IQCK: variants seen among roughly 807,000 people sequenced by gnomAD.
IQCK encodes the protein IQ domain-containing protein K.
A neutral mutation model predicts 28.1 loss-of-function variants in IQCK; 29 were observed. That is an observed-to-expected ratio of 1.03 (90% confidence interval 0.77 to 1.41). The LOEUF (loss-of-function observed/expected upper bound fraction) is 1.41, where lower values mean the gene tolerates loss of function less well. IQCK is among the 40% of genes most tolerant of loss of function. IQCK has a pLI of 0.00. For missense variants in IQCK, 359 were observed against 314.7 expected (o/e 1.14, Z -1.07); for synonymous variants, 113 against 115.1 (o/e 0.98, Z 0.12).
exon 10 of IQCK, chr16:19,857,274 T>C (rs1032907984): frequency 3.0e-6 from 1 of 329,270 alleles, no homozygotes; most frequent in Non-Finnish European, 5.7e-6. Context: ...CTGGGTTGTT[T>C]TGACAAGCTA....
chr16:19,841,930 C>T (rs1220988999), intron 9 of IQCK, among the ~76,000 whole-genome samples: 1 of 151,934 alleles, frequency 6.6e-6, no homozygotes, highest in Non-Finnish European at 1.5e-5. Context: ...ACTGCAACCT[C>T]CACCTCCTGG....
chr16:19,809,388 C>A (rs1176533772), intron 7 of IQCK, among the ~76,000 whole-genome samples: 1 of 152,198 alleles, frequency 6.6e-6, no homozygotes, highest in Non-Finnish European at 1.5e-5. Flanking sequence ...CCTGGCTGGG[C>A]TGGAATGTCC....
chr16:19,721,024 A>C (rs539458120), intron 1 of IQCK, among the ~76,000 whole-genome samples: 1 of 152,270 alleles, frequency 6.6e-6, no homozygotes, highest in Admixed American at 6.5e-5. Flanking sequence ...AAAAAAAAAA[A>C]AACAATTCAG....
chr16:19,845,156 G>T (rs1488163346), intron 9 of IQCK, among the ~76,000 whole-genome samples: 1 of 152,122 alleles, frequency 6.6e-6, no homozygotes, highest in Non-Finnish European at 1.5e-5. Context: ...ATCTGCCCTG[G>T]GTTCTGAGTC....
At chr16:19,820,210 G>GA (rs71375663) in intron 7 of IQCK, among the ~76,000 whole-genome samples, 31,413 of 150,778 alleles carry the variant, frequency 0.21, 3,360 homozygotes, top group South Asian at 0.32. Flanking sequence ...AATAACAAAA[G>GA]AAAAAAAAAT....
chr16:19,763,757 T>C (rs1010921300), intron 4 of IQCK, 91 bp from the exon 5 acceptor site: 1 of 995,714 alleles, frequency 1.0e-6, no homozygotes, highest in Non-Finnish European at 1.6e-6. Context: ...TTAAGCTTTA[T>C]TGAAAAAAGT....
chr16:19,756,814 G>A (rs1326142825), intron 4 of IQCK, among the ~76,000 whole-genome samples: 7 of 150,756 alleles, frequency 4.6e-5, no homozygotes, highest in Admixed American at 1.3e-4. Context: ...GGAGAATGGC[G>A]TGAACCCGGG....
chr16:19,745,296 C>T (rs113568937), intron 4 of IQCK, among the ~76,000 whole-genome samples: 1 of 152,236 alleles, frequency 6.6e-6, no homozygotes, highest in East Asian at 1.9e-4. Flanking sequence ...GGCACTCTGG[C>T]ATTTAAATGC....
intron 9 of IQCK, among the ~76,000 whole-genome samples, chr16:19,836,723 A>T (rs928400936): frequency 1.3e-5 from 2 of 152,182 alleles, no homozygotes; most frequent in African/African-American, 4.8e-5. Context: ...CATGTTGGCC[A>T]GGATGCTCTT....
At chr16:19,729,537 C>T (rs1977762280) in intron 1 of IQCK, among the ~76,000 whole-genome samples, 1 of 152,052 alleles carries the variant, frequency 6.6e-6, no homozygotes, top group South Asian at 2.1e-4. Context: ...AAGTTGTGTC[C>T]TCTAAGAAAA....
intron 4 of IQCK, among the ~76,000 whole-genome samples, chr16:19,757,913 GT>G (rs1428781665): frequency 7.9e-5 from 12 of 152,064 alleles, no homozygotes; most frequent in African/African-American, 2.7e-4. Context: ...ATTCATCTCG[GT>G]TTTTTGGATG....
intron 4 of IQCK, chr16:19,761,066 C>G (rs890378521): frequency 5.4e-6 from 1 of 185,384 alleles, no homozygotes; most frequent in African/African-American, 2.3e-5. Context: ...GCAACTGTTT[C>G]ATCAGCAAGG....
At chr16:19,838,561 G>A (rs1193856612) in intron 9 of IQCK, among the ~76,000 whole-genome samples, 1 of 152,122 alleles carries the variant, frequency 6.6e-6, no homozygotes, top group Admixed American at 6.5e-5. Context: ...TGTCAAGCTG[G>A]GGCCCGGCCT....
chr16:19,821,704 TAAAC>T (rs951584760), intron 7 of IQCK, among the ~76,000 whole-genome samples: 4 of 151,530 alleles, frequency 2.6e-5, no homozygotes, highest in Admixed American at 6.6e-5. Context: ...AATAAATAAA[TAAAC>T]AAACAAAAAC....
At chr16:19,786,334 G>T (rs1209526452) in intron 6 of IQCK, among the ~76,000 whole-genome samples, 1 of 151,606 alleles carries the variant, frequency 6.6e-6, no homozygotes, top group Admixed American at 6.6e-5. Context: ...TGGGAGGATT[G>T]CTTGAGGCCA....
At chr16:19,846,817 A>AT (rs537574236) in intron 9 of IQCK, among the ~76,000 whole-genome samples, 3,089 of 150,322 alleles carry the variant, frequency 0.021, 109 homozygotes, top group African/African-American at 0.072. Context: ...AGGGGCATAG[A>AT]TTTTTTTTTT....
At chr16:19,850,157 G>A (rs750038354) in intron 9 of IQCK, among the ~76,000 whole-genome samples, 6 of 152,180 alleles carry the variant, frequency 3.9e-5, no homozygotes, top group African/African-American at 7.2e-5. Context: ...GGTAGAGGAT[G>A]CGGAAGTGAA....
In IQCK at chr16:19,844,340, A is replaced by G. The variant is rs570018983; in HGVS notation, c.803-12147A>G. Among the ~76,000 whole-genome samples, 72 of 152,232 alleles carry G rather than the reference A, an allele frequency of 4.7e-4. 1 individual carries two copies. Among genetic ancestry groups the G allele is most frequent in the African/African-American group, 1.4e-3 (57 of 41,536 alleles). On this transcript the variant is annotated intron_variant, in intron 9 of 9. Transcript: ENST00000320394. Reference sequence around the variant, plus strand: ...GTGATCCGCCCGCCTTGGCCTCCCAAAGTGCTGGGATTACAGATGTGAGCC... The same window carrying G: ...GTGATCCGCCCGCCTTGGCCTCCCAGAGTGCTGGGATTACAGATGTGAGCC...
At chr16:19,821,319 G>A (rs895324822) in intron 7 of IQCK, among the ~76,000 whole-genome samples, 5 of 152,204 alleles carry the variant, frequency 3.3e-5, no homozygotes, top group African/African-American at 1.2e-4. Flanking sequence ...CAGCCACTGT[G>A]AAAACCAGTT....
Sources: gnomAD v4.1 joint callset for allele counts (sites outside exome capture counted in the v4.1 genomes callset) on GRCh38, gnomAD v4.1.1 for gene constraint, MANE v1.5 for transcripts, NCBI Gene and HGNC (gene_info 2026-07-23, HGNC 2026-07-21) for gene names.